Variants in GALNTL6 observed in about 807,000 individuals in gnomAD.
GALNTL6 encodes polypeptide N-acetylgalactosaminyltransferase like 6, also known as polypeptide N-acetylgalactosaminyltransferase-like 6.
Under a neutral mutation model 73.7 loss-of-function variants are expected in GALNTL6, and 46 were observed. That is an observed-to-expected ratio of 0.62 (90% CI 0.49 to 0.80). The LOEUF is 0.80. Ranked by LOEUF, GALNTL6 falls within the 30% of genes least tolerant of loss-of-function variation. The pLI is 0.00. For synonymous variants in GALNTL6, 259 were observed against 263.7 expected, an observed-to-expected ratio of 0.98 and a Z score of 0.17; for missense variants, 604 against 755.0, an observed-to-expected ratio of 0.80 and a Z score of 2.34.
intron 2 of GALNTL6, among the ~76,000 whole-genome samples, chr4:172,214,422 T>A (rs557361577): frequency 2.0e-5 from 3 of 152,284 alleles, no homozygotes; most frequent in South Asian, 2.1e-4. Flanking sequence ...TCATCAACGC[T>A]TTTTCAAAGA....
intron 5 of GALNTL6, among the ~76,000 whole-genome samples, chr4:172,606,459 CA>C (rs10622983): frequency 1.4e-3 from 172 of 121,118 alleles, no homozygotes; most frequent in African/African-American, 5.1e-3. Flanking sequence ...TGTCTCAAAA[CA>C]AAAAAAAAAC....
intron 2 of GALNTL6, among the ~76,000 whole-genome samples, chr4:172,210,169 A>G (rs1736276126): frequency 6.6e-6 from 1 of 152,068 alleles, no homozygotes; most frequent in African/African-American, 2.4e-5. Context: ...CATTTTTAAG[A>G]CACCTTATTT....
chr4:172,204,778 T>A (rs1390897455), intron 2 of GALNTL6, among the ~76,000 whole-genome samples: 1 of 152,168 alleles, frequency 6.6e-6, no homozygotes, highest in Non-Finnish European at 1.5e-5. Flanking sequence ...AAAAGTCAAT[T>A]TGTGAAGCAG....
intron 5 of GALNTL6, among the ~76,000 whole-genome samples, chr4:172,429,955 A>G (rs1437847325): frequency 6.6e-6 from 1 of 152,130 alleles, no homozygotes; most frequent in Non-Finnish European, 1.5e-5. Context: ...TAACTGCTTC[A>G]AACAGTTTTC....
At chr4:171,854,360 G>T (rs1735620859) in intron 2 of GALNTL6, among the ~76,000 whole-genome samples, 1 of 152,128 alleles carries the variant, frequency 6.6e-6, no homozygotes, top group South Asian at 2.1e-4. Context: ...TCAAGTGTAG[G>T]TACAAAGTTA....
chr4:172,113,539 T>C (rs1034224355), intron 2 of GALNTL6, among the ~76,000 whole-genome samples: 2 of 149,948 alleles, frequency 1.3e-5, no homozygotes, highest in East Asian at 3.9e-4. Flanking sequence ...CAATGTCTAT[T>C]ATTTTTATTT....
chr4:172,039,270 T>G (rs1308699698), intron 2 of GALNTL6, among the ~76,000 whole-genome samples: 1 of 152,184 alleles, frequency 6.6e-6, no homozygotes, highest in Admixed American at 6.6e-5. Flanking sequence ...CAAAAAAAAT[T>G]TTCAATGTGG....
At chr4:171,830,966 T>A (rs559368823) in intron 2 of GALNTL6, among the ~76,000 whole-genome samples, 4 of 152,252 alleles carry the variant, frequency 2.6e-5, no homozygotes, top group African/African-American at 9.6e-5. Flanking sequence ...ACTTTACTAA[T>A]CTTTAAAAAA....
intron 5 of GALNTL6, among the ~76,000 whole-genome samples, chr4:172,517,979 T>C (rs919439508): frequency 6.6e-6 from 1 of 152,078 alleles, no homozygotes; most frequent in Non-Finnish European, 1.5e-5. Flanking sequence ...ATAGGTTCAA[T>C]AGGTGATTCC....
chr4:172,696,776 T>C (rs1318500468), intron 5 of GALNTL6, among the ~76,000 whole-genome samples: 1 of 152,180 alleles, frequency 6.6e-6, no homozygotes, highest in East Asian at 1.9e-4. Flanking sequence ...TGGTATGTCT[T>C]TATTAGCAGC....
At chr4:172,594,885 A>G (rs1737793480) in intron 5 of GALNTL6, among the ~76,000 whole-genome samples, 1 of 152,216 alleles carries the variant, frequency 6.6e-6, no homozygotes, top group South Asian at 2.1e-4. Context: ...CTGCTATAAC[A>G]AAGTACCATA....
intron 2 of GALNTL6, among the ~76,000 whole-genome samples, chr4:171,826,611 G>A (rs574926188): frequency 2.0e-5 from 3 of 152,086 alleles, no homozygotes; most frequent in Middle Eastern, 3.4e-3. Flanking sequence ...AACCCCTTTC[G>A]CCAATATCAT....
At chr4:172,006,729 C>G (rs1467252341) in intron 2 of GALNTL6, among the ~76,000 whole-genome samples, 1 of 151,660 alleles carries the variant, frequency 6.6e-6, no homozygotes, top group Admixed American at 6.6e-5. Context: ...GTTATTTAAC[C>G]CTGACATAGT....
intron 5 of GALNTL6, among the ~76,000 whole-genome samples, chr4:172,537,630 T>TA (rs1438729330): frequency 6.6e-6 from 1 of 152,222 alleles, no homozygotes; most frequent in African/African-American, 2.4e-5. Flanking sequence ...CAATTAGTGA[T>TA]ATATTGTGTG....
At chr4:172,808,324 G>A (rs998424269) in intron 5 of GALNTL6, among the ~76,000 whole-genome samples, 1 of 152,200 alleles carries the variant, frequency 6.6e-6, no homozygotes, top group African/African-American at 2.4e-5. Flanking sequence ...TGGATAGCAG[G>A]AAGGAATCAC....
At chr4:172,993,439 C>A (rs570395422) in intron 10 of GALNTL6, among the ~76,000 whole-genome samples, 99 of 152,308 alleles carry the variant, frequency 6.5e-4, no homozygotes, top group Non-Finnish European at 1.3e-3. Context: ...TAGCTATATA[C>A]CAAAACCATT....
intron 8 of GALNTL6, among the ~76,000 whole-genome samples, chr4:172,902,199 C>G (rs1224029338): frequency 6.6e-6 from 1 of 152,016 alleles, no homozygotes; most frequent in Non-Finnish European, 1.5e-5. Context: ...GTTTAAGTTA[C>G]TAAAATGATA....
chr4:172,371,257 C>A (rs2111258947), intron 5 of GALNTL6, among the ~76,000 whole-genome samples: 1 of 152,266 alleles, frequency 6.6e-6, no homozygotes, highest in South Asian at 2.1e-4. Flanking sequence ...GGAGTTCCTC[C>A]TATGTCTGGT....
intron 2 of GALNTL6, among the ~76,000 whole-genome samples, chr4:171,989,453 G>A (rs1302633939): frequency 2.0e-5 from 3 of 152,156 alleles, no homozygotes; most frequent in East Asian, 1.9e-4. Flanking sequence ...CCTGGGCTGT[G>A]GGCATTCCTT....
Sources: allele counts gnomAD v4.1 joint callset (sites outside exome capture counted in the v4.1 genomes callset), GRCh38; gene constraint gnomAD v4.1.1; transcripts MANE v1.5; gene names NCBI Gene and HGNC (gene_info 2026-07-23, HGNC 2026-07-21).